The following NOS1AP variants were observed in gnomAD, a reference collection of about 807,000 sequenced individuals.
The protein encoded by NOS1AP is nitric oxide synthase 1 adaptor protein, also known as carboxyl-terminal PDZ ligand of neuronal nitric oxide synthase protein.
Under a neutral mutation model 56.2 loss-of-function variants are expected in NOS1AP, and 21 were observed. The observed-to-expected ratio is 0.37, with a 90% CI of 0.26 to 0.54. The LOEUF (loss-of-function observed/expected upper bound fraction) is 0.54. NOS1AP is among the 20% of genes least tolerant of loss of function. The pLI, the probability that NOS1AP is intolerant of heterozygous loss-of-function variation, is 0.84. For synonymous variants in NOS1AP, 270 were observed against 274.6 expected (o/e 0.98, Z 0.17); for missense variants, 522 against 657.8 (o/e 0.79, Z 2.26).
intron 2 of NOS1AP, among the ~76,000 whole-genome samples, chr1:162,240,804 G>C (rs569038019): frequency 6.6e-6 from 1 of 152,352 alleles, no homozygotes; most frequent in East Asian, 1.9e-4. Context: ...GATATACTAA[G>C]TATTGGGGAT....
At chr1:162,179,137 C>T (rs990690138) in intron 2 of NOS1AP, among the ~76,000 whole-genome samples, 1 of 151,992 alleles carries the variant, frequency 6.6e-6, no homozygotes, top group African/African-American at 2.4e-5. Context: ...TTGTGTATCT[C>T]GTAGTTACTG....
chr1:162,130,612 G>GTT, intron 1 of NOS1AP, among the ~76,000 whole-genome samples: 1 of 152,158 alleles, frequency 6.6e-6, no homozygotes, highest in East Asian at 1.9e-4. Context: ...ATCAGAGTAA[G>GTT]ACTTATTTAA....
intron 5 of NOS1AP, among the ~76,000 whole-genome samples, chr1:162,333,795 C>T (rs1409029690): frequency 1.3e-5 from 2 of 152,138 alleles, no homozygotes; most frequent in East Asian, 1.9e-4. Flanking sequence ...CATTTATCAG[C>T]CAAAATGTTT....
intron 4 of NOS1AP, among the ~76,000 whole-genome samples, chr1:162,312,762 C>G (rs186912744): frequency 6.6e-6 from 1 of 152,050 alleles, no homozygotes; most frequent in Non-Finnish European, 1.5e-5. Context: ...TCCAGCAGCA[C>G]GTCAAAAAGC....
At chr1:162,303,322 C>T (rs540049249) in intron 4 of NOS1AP, among the ~76,000 whole-genome samples, 48 of 152,306 alleles carry the variant, frequency 3.2e-4, no homozygotes, top group Non-Finnish European at 6.3e-4. Context: ...GTCCCAATTC[C>T]TCCATATCTG....
At chr1:162,148,492 G>A (rs1456390512) in intron 1 of NOS1AP, among the ~76,000 whole-genome samples, 1 of 152,204 alleles carries the variant, frequency 6.6e-6, no homozygotes, top group African/African-American at 2.4e-5. Context: ...GAAGATTAGG[G>A]GACGAGTGGG....
intron 2 of NOS1AP, among the ~76,000 whole-genome samples, chr1:162,269,242 A>G (rs1654514006): frequency 6.6e-6 from 1 of 152,194 alleles, no homozygotes; most frequent in Non-Finnish European, 1.5e-5. Flanking sequence ...CCAATTTCTC[A>G]AGATAAAATA....
At chr1:162,127,454 AAGAT>A (rs1558111731) in intron 1 of NOS1AP, among the ~76,000 whole-genome samples, 1 of 152,156 alleles carries the variant, frequency 6.6e-6, no homozygotes. Flanking sequence ...CTAAATACTT[AAGAT>A]AAACATCCTA....
intron 1 of NOS1AP, among the ~76,000 whole-genome samples, chr1:162,153,849 A>T (rs1215206635): frequency 6.6e-6 from 1 of 152,216 alleles, no homozygotes; most frequent in African/African-American, 2.4e-5. Flanking sequence ...CATCTTCAAA[A>T]AATTTTAAAT....
At chr1:162,310,480 A>G (rs1293747153) in intron 4 of NOS1AP, among the ~76,000 whole-genome samples, 1 of 152,246 alleles carries the variant, frequency 6.6e-6, no homozygotes, top group Non-Finnish European at 1.5e-5. Flanking sequence ...GGGCCAGCCC[A>G]TCTGGCGGAT....
chr1:162,258,922 G>A (rs779566295), intron 2 of NOS1AP, among the ~76,000 whole-genome samples: 5 of 152,254 alleles, frequency 3.3e-5, no homozygotes, highest in South Asian at 4.1e-4. Context: ...GTGGGATGAC[G>A]TCTGGTTGGT....
At chr1:162,243,714 T>C (rs1653572229) in intron 2 of NOS1AP, among the ~76,000 whole-genome samples, 1 of 152,254 alleles carries the variant, frequency 6.6e-6, no homozygotes, top group African/African-American at 2.4e-5. Flanking sequence ...TTAATGTTTC[T>C]AATTTTTAGT....
intron 2 of NOS1AP, among the ~76,000 whole-genome samples, chr1:162,284,685 T>G (rs1449886990): frequency 1.3e-5 from 2 of 152,234 alleles, no homozygotes; most frequent in African/African-American, 4.8e-5. Context: ...AAAGTTCAGT[T>G]GCACTTTTGA....
chr1:162,204,887 G>A (rs918565791), intron 2 of NOS1AP, among the ~76,000 whole-genome samples: 1 of 152,080 alleles, frequency 6.6e-6, no homozygotes, highest in Non-Finnish European at 1.5e-5. Context: ...ATGGTGATTT[G>A]TTTATAGGGG....
intron 2 of NOS1AP, among the ~76,000 whole-genome samples, chr1:162,168,970 C>T (rs1227779249): frequency 6.6e-6 from 1 of 152,168 alleles, no homozygotes; most frequent in African/African-American, 2.4e-5. Context: ...AGGAGACATC[C>T]AAGGATTCCG....
intron 2 of NOS1AP, among the ~76,000 whole-genome samples, chr1:162,282,017 T>C (rs1654948733): frequency 6.6e-6 from 1 of 152,114 alleles, no homozygotes; most frequent in Non-Finnish European, 1.5e-5. Context: ...GGAGAATTGC[T>C]TGAACCTGGG....
rs537724454 is a variant in NOS1AP at position 162,321,067 on chromosome 1, T to A, written c.345-11950T>A. ...CCTAGGGTGTTTATGGTTTTGGGTCTAACATTTAAGTCTTTAATCCATCTT... is the reference window on the plus strand; with the variant it reads ...CCTAGGGTGTTTATGGTTTTGGGTCAAACATTTAAGTCTTTAATCCATCTT... On this transcript the variant is annotated intron_variant, in intron 4 of 9. Coordinates refer to ENST00000361897, the MANE Select transcript of NOS1AP (RefSeq NM_014697.3). Among the ~76,000 whole-genome samples, 3 of 152,274 alleles carry A rather than the reference T, an allele frequency of 2.0e-5. No individual in the cohort carries two copies. The East Asian group carries it at 5.8e-4, about 29-fold the overall frequency.
At chr1:162,199,203 T>G (rs1381756756) in intron 2 of NOS1AP, among the ~76,000 whole-genome samples, 1 of 152,166 alleles carries the variant, frequency 6.6e-6, no homozygotes, top group Non-Finnish European at 1.5e-5. Context: ...CATGTGGGAC[T>G]TGAGGCAAGA....
intron 2 of NOS1AP, among the ~76,000 whole-genome samples, chr1:162,231,032 G>A (rs933459852): frequency 6.6e-6 from 1 of 152,104 alleles, no homozygotes; most frequent in Non-Finnish European, 1.5e-5. Flanking sequence ...GGATCATATA[G>A]TAATTCTATT....
Sources: allele counts gnomAD v4.1 joint callset (sites outside exome capture counted in the v4.1 genomes callset), GRCh38; gene constraint gnomAD v4.1.1; transcripts MANE v1.5; gene names NCBI Gene and HGNC (gene_info 2026-07-23, HGNC 2026-07-21).